TUSC3: variants seen among roughly 807,000 people sequenced by gnomAD.
TUSC3 encodes the protein tumor suppressor candidate 3.
A neutral mutation model predicts 44.8 loss-of-function variants in TUSC3; 45 were observed. The observed-to-expected ratio is 1.00, with a 90% CI of 0.79 to 1.29. The LOEUF is 1.29. Ranked by LOEUF, TUSC3 falls within the 50% of genes most tolerant of loss-of-function variation. The pLI is 0.00. For missense variants in TUSC3, 519 were observed against 437.9 expected, an observed-to-expected ratio of 1.19 and a Z score of -1.65; for synonymous variants, 212 against 152.9, an observed-to-expected ratio of 1.39 and a Z score of -2.85.
At chr8:15,618,300 A>AT (rs936243223) in intron 1 of TUSC3, among the ~76,000 whole-genome samples, 7 of 152,058 alleles carry the variant, frequency 4.6e-5, no homozygotes, top group Admixed American at 3.9e-4. Context: ...AAAGTTTTTA[A>AT]TTTTTTTTAA....
chr8:15,427,001 A>G (rs140213660), intron 1 of TUSC3, among the ~76,000 whole-genome samples: 1,819 of 151,760 alleles, frequency 0.012, 11 homozygotes, highest in Non-Finnish European at 0.018. Flanking sequence ...CCTGGTTGGC[A>G]TTTGTACGTC....
intron 10 of TUSC3, chr8:15,758,121 A>G (rs1258103781): frequency 8.5e-7 from 1 of 1,181,746 alleles, no homozygotes; most frequent in South Asian, 2.9e-5. Flanking sequence ...CAACAAATAT[A>G]CTTTCTTAAC....
chr8:15,586,895 C>G lies in TUSC3; in HGVS notation c.139-36185C>G, dbSNP rs1405721776. ...TTCCTGGAATTAAAATTCTTGGGCC[C>G]CACTGACCTCCTGATTTTGAAATTC... On this transcript the variant is annotated intron_variant, in intron 1 of 10. Coordinates refer to ENST00000503731, the MANE Select transcript of TUSC3 (RefSeq NM_006765.4). 2.0e-5 allele frequency among the ~76,000 whole-genome samples: 3 copies of G among 152,196 alleles called. No homozygotes were observed. The East Asian group carries it at 5.8e-4, about 29-fold the overall frequency.
intron 1 of TUSC3, among the ~76,000 whole-genome samples, chr8:15,569,155 G>A (rs946470051): frequency 6.6e-6 from 1 of 152,058 alleles, no homozygotes; most frequent in Admixed American, 6.5e-5. Context: ...TTTATTTATA[G>A]TCTTATAATT....
In TUSC3 at chr8:15,435,032, A is replaced by G. The variant is rs372094530; in HGVS notation, n.91+17727A>G. Among the ~76,000 whole-genome samples the G allele has an allele frequency of 7.0e-3, 952 of 136,470 alleles. 6 individuals carry two copies. Among genetic ancestry groups the G allele is most frequent in the Middle Eastern group, 0.022 (6 of 272 alleles). 89.5% of individuals were successfully genotyped at this position (136,470 alleles called of 152,430 possible). Reference sequence around the variant, plus strand: ...TGTCTTTATAGCAGCATGATTTATAATCCTTTGGGTATATACCCAGTAATG... The same window carrying G: ...TGTCTTTATAGCAGCATGATTTATAGTCCTTTGGGTATATACCCAGTAATG... On this transcript the variant is annotated intron_variant and non_coding_transcript_variant, in intron 1 of 5. Transcript: ENST00000503191.
At chr8:15,818,413 C>G in the TUSC3 span, among the ~76,000 whole-genome samples, 5 of 152,076 alleles carry the variant, frequency 3.3e-5, no homozygotes, top group African/African-American at 1.2e-4. Flanking sequence ...TTTTAAGACG[C>G]CTTCAAATGT....
chr8:15,692,369 CCCTT>C (rs1808944655), intron 6 of TUSC3, among the ~76,000 whole-genome samples: 2 of 52,572 alleles, frequency 3.8e-5, no homozygotes, highest in Admixed American at 2.1e-4. Flanking sequence ...CCCCCCCCCC[CCCTT>C]TGTTTTTTTT....
intron 6 of TUSC3, among the ~76,000 whole-genome samples, chr8:15,698,382 A>G (rs1011150829): frequency 6.6e-6 from 1 of 152,250 alleles, no homozygotes; most frequent in African/African-American, 2.4e-5. Flanking sequence ...GAAAACAATT[A>G]TGAAATAAGT....
the TUSC3 span, among the ~76,000 whole-genome samples, chr8:15,785,997 T>C: frequency 6.6e-6 from 1 of 152,198 alleles, no homozygotes; most frequent in South Asian, 2.1e-4. Flanking sequence ...TAAATAGGAA[T>C]TGAGTGTTAA....
At chr8:15,647,262 C>T (rs1310675654) in intron 2 of TUSC3, among the ~76,000 whole-genome samples, 2 of 152,116 alleles carry the variant, frequency 1.3e-5, no homozygotes, top group African/African-American at 2.4e-5. Flanking sequence ...TCCTTTTCTA[C>T]AGTGCCATTG....
chr8:15,454,151 G>T (rs901719427), intron 1 of TUSC3, among the ~76,000 whole-genome samples: 15 of 152,100 alleles, frequency 9.9e-5, no homozygotes, highest in Non-Finnish European at 2.2e-4. Flanking sequence ...AGGGAGAAGG[G>T]ACACAAGACC....
At chr8:15,799,989 G>C in the TUSC3 span, among the ~76,000 whole-genome samples, 5 of 152,290 alleles carry the variant, frequency 3.3e-5, no homozygotes, top group South Asian at 1.0e-3. Context: ...TGCACTACAG[G>C]AGAGGACCCT....
At chr8:15,600,533 A>T (rs1459546304) in intron 1 of TUSC3, among the ~76,000 whole-genome samples, 1 of 151,678 alleles carries the variant, frequency 6.6e-6, no homozygotes, top group Non-Finnish European at 1.5e-5. Flanking sequence ...TTGTTAGGCA[A>T]ATAGAAGATG....
chr8:15,551,564 C>T (rs1361902699), intron 1 of TUSC3, among the ~76,000 whole-genome samples: 5 of 151,548 alleles, frequency 3.3e-5, no homozygotes, highest in Non-Finnish European at 7.4e-5. Context: ...TTATTTTTGC[C>T]TGTTTCAAAT....
At chr8:15,656,769 C>T (rs2129177927) in intron 3 of TUSC3, among the ~76,000 whole-genome samples, 1 of 152,360 alleles carries the variant, frequency 6.6e-6, no homozygotes, top group East Asian at 1.9e-4. Flanking sequence ...GGCTCTGCCT[C>T]TGCAACAAGT....
At chr8:15,619,615 TG>T (rs1470232300) in intron 1 of TUSC3, among the ~76,000 whole-genome samples, 1 of 152,008 alleles carries the variant, frequency 6.6e-6, no homozygotes, top group Non-Finnish European at 1.5e-5. Flanking sequence ...CCTCAGCCTC[TG>T]GAGTAGCTGG....
At chr8:15,816,268 G>C in the TUSC3 span, among the ~76,000 whole-genome samples, 2 of 152,132 alleles carry the variant, frequency 1.3e-5, no homozygotes, top group African/African-American at 2.4e-5. Flanking sequence ...TTGCAGAGGG[G>C]ATAGTGGAAA....
Position 15,483,649 on chromosome 8 carries a change from A to ATTTTT in TUSC3, n.189+186_189+190dup, listed in dbSNP as rs60092911. On this transcript the variant is annotated intron_variant and non_coding_transcript_variant, in intron 2 of 5. Coordinates refer to the TUSC3 transcript ENST00000503191. Reference sequence around the variant, plus strand: ...CCGTCGTGCCCAGCCTAGCACTGTGATTTTTTTTTTTTTTTTTTTTTTTTG... The same window carrying ATTTTT: ...CCGTCGTGCCCAGCCTAGCACTGTGATTTTTTTTTTTTTTTTTTTTTTTTTTTTTG... 1.5e-4 allele frequency among the ~76,000 whole-genome samples: 10 copies of ATTTTT among 66,158 alleles called. 2 individuals carry two copies. Among genetic ancestry groups the ATTTTT allele is most frequent in the African/African-American group, 2.7e-4 (5 of 18,218 alleles). The allele number at this position is 66,158 out of a possible 152,430, so 43.4% of individuals were successfully genotyped here.
At chr8:15,605,150 G>A (rs1374938159) in intron 1 of TUSC3, among the ~76,000 whole-genome samples, 1 of 151,824 alleles carries the variant, frequency 6.6e-6, no homozygotes, top group Non-Finnish European at 1.5e-5. Context: ...AGCGTGAAGT[G>A]AGCATCGCTT....
Sources: gnomAD v4.1 joint callset for allele counts (sites outside exome capture counted in the v4.1 genomes callset) on GRCh38, gnomAD v4.1.1 for gene constraint, MANE v1.5 for transcripts, NCBI Gene and HGNC (gene_info 2026-07-23, HGNC 2026-07-21) for gene names.